Variants in APBB2 observed in about 807,000 individuals in gnomAD.
The protein encoded by APBB2 is amyloid beta precursor protein binding family B member 2.
APBB2 carries 38 observed loss-of-function variants against 82.5 expected under a neutral mutation model. The observed-to-expected ratio is 0.46, with a 90% CI of 0.36 to 0.60. The LOEUF (loss-of-function observed/expected upper bound fraction) is 0.60, where lower values mean the gene tolerates loss of function less well. Among genes scored for constraint, APBB2 ranks in the 20% least tolerant of loss-of-function variants. The pLI, the probability that APBB2 is intolerant of heterozygous loss-of-function variation, is 0.00. For synonymous variants in APBB2, 341 were observed against 368.2 expected (o/e 0.93, Z 0.85); for missense variants, 772 against 972.3 (o/e 0.79, Z 2.74).
At chr4:40,951,377 C>G (rs1790105627) in intron 6 of APBB2, among the ~76,000 whole-genome samples, 2 of 152,118 alleles carry the variant, frequency 1.3e-5, no homozygotes, top group Non-Finnish European at 1.5e-5. Context: ...GAAAGCCGGC[C>G]TAGTCGAGGT....
chr4:40,825,985 A>G lies in APBB2; in HGVS notation c.1733-15T>C. The G allele has an allele frequency of 6.2e-7, 1 of 1,605,750 alleles. No individual in the cohort carries two copies. The highest frequency in any genetic ancestry group is 8.5e-7 in the Non-Finnish European group (1 of 1,172,398). On this transcript the variant is annotated splice_polypyrimidine_tract_variant and intron_variant, in intron 14 of 17. Coordinates refer to ENST00000508593, the MANE Select transcript of APBB2 (RefSeq NM_004307.2). ...TGGAAAATCTACTACAGGGAACAAA[A>G]GCAACACATCTTTCTCAGTGGTTCC...
At chr4:40,892,182 C>T (rs1179199411) in intron 11 of APBB2, among the ~76,000 whole-genome samples, 2 of 152,264 alleles carry the variant, frequency 1.3e-5, no homozygotes, top group African/African-American at 4.8e-5. Context: ...AACTCCTGAG[C>T]TCAGGTGATC....
At chr4:40,870,195 G>A (rs529208700) in intron 12 of APBB2, among the ~76,000 whole-genome samples, 3 of 152,204 alleles carry the variant, frequency 2.0e-5, no homozygotes, top group African/African-American at 7.2e-5. Context: ...TAAATGGGAG[G>A]AAATGCTCCA....
intron 2 of APBB2, among the ~76,000 whole-genome samples, chr4:41,110,435 T>G (rs1748779272): frequency 1.3e-5 from 2 of 151,980 alleles, no homozygotes; most frequent in Non-Finnish European, 2.9e-5. Flanking sequence ...AAACCCCATC[T>G]CTACTAAAAA....
Position 40,815,081 on chromosome 4 carries a change from C to G in APBB2, c.*1011G>C, listed in dbSNP as rs186971453. On this transcript the variant is annotated 3_prime_UTR_variant, in exon 18 of 18. Coordinates refer to ENST00000508593, the MANE Select transcript of APBB2 (RefSeq NM_004307.2). ...CAGAATTCCAGCAGAACGTTTACCT[C>G]TAGCACATGGACTAGCAAAAATCAC... The G allele has an allele frequency of 8.5e-5, 13 of 152,702 alleles. No individual in the cohort carries two copies. The highest frequency in any genetic ancestry group is 2.6e-4 in the Admixed American group (4 of 15,294). The allele number at this position is 152,702 out of a possible 1,614,324, so 9.5% of individuals were successfully genotyped here. A position where few individuals can be genotyped will look rare whatever the true frequency, so the allele number is the denominator to read the frequency against.
intron 6 of APBB2, among the ~76,000 whole-genome samples, chr4:40,980,767 C>G (rs1798266108): frequency 6.6e-6 from 1 of 152,104 alleles, no homozygotes; most frequent in South Asian, 2.1e-4. Flanking sequence ...GTATAAGGAC[C>G]AAAGAAGGCA....
At chr4:41,134,961 T>C (rs1459207079) in intron 2 of APBB2, among the ~76,000 whole-genome samples, 1 of 152,234 alleles carries the variant, frequency 6.6e-6, no homozygotes, top group Non-Finnish European at 1.5e-5. Flanking sequence ...CATATGTTAA[T>C]GACTGCTCAA....
chr4:41,099,276 T>A (rs1383787475), intron 3 of APBB2, among the ~76,000 whole-genome samples: 3 of 152,158 alleles, frequency 2.0e-5, no homozygotes, highest in African/African-American at 4.8e-5. Context: ...TTGCCCAGGC[T>A]GGAGTGCAGT....
At chr4:41,162,914 T>A (rs1441141093) in intron 1 of APBB2, among the ~76,000 whole-genome samples, 5 of 152,066 alleles carry the variant, frequency 3.3e-5, no homozygotes, top group Non-Finnish European at 7.3e-5. Context: ...ATCCACTGAG[T>A]ATCAATAAGG....
At chr4:40,841,765 G>T (rs1755889618) in intron 12 of APBB2, among the ~76,000 whole-genome samples, 1 of 152,094 alleles carries the variant, frequency 6.6e-6, no homozygotes, top group South Asian at 2.1e-4. Flanking sequence ...CGCAACCACT[G>T]CCTCCCAGGT....
intron 1 of APBB2, among the ~76,000 whole-genome samples, chr4:41,150,790 G>A (rs1266569602): frequency 6.6e-6 from 1 of 152,118 alleles, no homozygotes; most frequent in African/African-American, 2.4e-5. Context: ...GTCCAGGCTG[G>A]AGTGCAATGG....
At chr4:40,924,549 C>T (rs954619150) in intron 10 of APBB2, among the ~76,000 whole-genome samples, 1 of 152,126 alleles carries the variant, frequency 6.6e-6, no homozygotes, top group African/African-American at 2.4e-5. Context: ...AGCTGGACAC[C>T]AGGTAAAAAG....
chr4:41,158,630 T>C (rs1172292621), intron 1 of APBB2, among the ~76,000 whole-genome samples: 3 of 152,158 alleles, frequency 2.0e-5, no homozygotes, highest in Non-Finnish European at 2.9e-5. Context: ...CCCAGGAGGA[T>C]GGGAATAGTT....
At chr4:41,169,244 C>G (rs1767595700) in intron 1 of APBB2, among the ~76,000 whole-genome samples, 2 of 145,474 alleles carry the variant, frequency 1.4e-5, no homozygotes, top group South Asian at 4.4e-4. Flanking sequence ...AGGAAGAGCA[C>G]AGAGAGGGAG....
At chr4:40,945,105 AAG>A (rs779483716) in intron 6 of APBB2, 32 bp from the exon 7 acceptor site, 35 of 1,326,746 alleles carry the variant, frequency 2.6e-5, no homozygotes, top group African/African-American at 8.8e-5. Flanking sequence ...CGGGGGGAGA[AAG>A]AGAGAATTTT....
At chr4:41,074,605 A>T (rs901342022) in intron 3 of APBB2, among the ~76,000 whole-genome samples, 4 of 107,424 alleles carry the variant, frequency 3.7e-5, no homozygotes, top group Admixed American at 1.1e-4. Context: ...TATTATTATT[A>T]TTATTTTTTT....
chr4:41,156,383 A>G (rs551624236), intron 1 of APBB2, among the ~76,000 whole-genome samples: 1 of 152,342 alleles, frequency 6.6e-6, no homozygotes, highest in Admixed American at 6.5e-5. Flanking sequence ...CTTCCTATAA[A>G]CGAAATTATC....
intron 3 of APBB2, among the ~76,000 whole-genome samples, chr4:41,081,997 C>T (rs1737808294): frequency 1.3e-5 from 2 of 151,880 alleles, no homozygotes; most frequent in Non-Finnish European, 2.9e-5. Flanking sequence ...AGACTTGTGA[C>T]ACAGTTACTG....
At chr4:40,870,734 CTTT>C (rs34591003) in intron 12 of APBB2, among the ~76,000 whole-genome samples, 7 of 130,626 alleles carry the variant, frequency 5.4e-5, no homozygotes, top group Admixed American at 1.6e-4. Context: ...TATACACACT[CTTT>C]TTTTTTTTTT....
Sources: allele counts gnomAD v4.1 joint callset (sites outside exome capture counted in the v4.1 genomes callset), GRCh38; gene constraint gnomAD v4.1.1; transcripts MANE v1.5; gene names NCBI Gene and HGNC (gene_info 2026-07-23, HGNC 2026-07-21).